EYA2: variants seen among roughly 807,000 people sequenced by gnomAD.
EYA2 encodes the protein protein phosphatase EYA2.
EYA2 carries 31 observed loss-of-function variants against 69.2 expected under a neutral mutation model. The observed-to-expected ratio is 0.45, with a 90% CI of 0.34 to 0.60. The LOEUF is 0.60. Among genes scored for constraint, EYA2 ranks in the 20% least tolerant of loss-of-function variants. The probability of loss-of-function intolerance (pLI) is 0.02; values close to 1 mark genes in which losing one functional copy is unlikely to be tolerated. For missense variants in EYA2, 622 were observed against 701.2 expected (o/e 0.89, Z 1.28); for synonymous variants, 257 against 279.4 (o/e 0.92, Z 0.80).
chr20:47,080,255 G>T (rs2031662592), intron 7 of EYA2, among the ~76,000 whole-genome samples: 1 of 151,738 alleles, frequency 6.6e-6, no homozygotes, highest in African/African-American at 2.4e-5. Flanking sequence ...GGTCAAAGAA[G>T]AAATCAATGG....
intron 1 of EYA2, among the ~76,000 whole-genome samples, chr20:46,974,781 A>G (rs1293697718): frequency 6.6e-6 from 1 of 151,890 alleles, no homozygotes; most frequent in East Asian, 1.9e-4. Context: ...CATGAGACAT[A>G]TTTTATAAAG....
At chr20:47,117,938 C>T (rs988970299) in intron 9 of EYA2, among the ~76,000 whole-genome samples, 1 of 152,190 alleles carries the variant, frequency 6.6e-6, no homozygotes, top group African/African-American at 2.4e-5. Context: ...CCAATTTCTC[C>T]TGAGCTCAGC....
At position 46,990,230 on chromosome 20, in the gene EYA2, A is replaced by G. The variant is rs116572847; in HGVS notation, c.109+111A>G. 87 of 562,068 alleles carry G rather than the reference A, an allele frequency of 1.5e-4. No homozygotes were observed. The East Asian group carries it at 2.2e-3, about 14-fold the overall frequency. The allele number at this position is 562,068 out of a possible 1,614,324, so 34.8% of individuals were successfully genotyped here. A position where few individuals can be genotyped will look rare whatever the true frequency, so the allele number is the denominator to read the frequency against. On this transcript the variant is annotated intron_variant, in intron 2 of 15. Coordinates refer to ENST00000327619, the MANE Select transcript of EYA2 (RefSeq NM_005244.5). The stretch of plus-strand genomic sequence containing the variant: ...TTTCCAAAGTACTGTCCTTAGGACA[A>G]TTTCTCCCCCTGCCATTTAAATGCT...
chr20:47,007,139 CCA>C (rs1188128255), intron 4 of EYA2, among the ~76,000 whole-genome samples: 3 of 152,076 alleles, frequency 2.0e-5, no homozygotes, highest in Admixed American at 2.0e-4. Context: ...GCCATGTTGG[CCA>C]AGCAGGTCTC....
intron 1 of EYA2, among the ~76,000 whole-genome samples, chr20:46,911,462 T>C (rs1451047641): frequency 1.3e-5 from 2 of 152,228 alleles, no homozygotes; most frequent in Non-Finnish European, 2.9e-5. Flanking sequence ...TGGCTGATTT[T>C]TGATTTAGTC....
chr20:46,900,459 T>G (rs927245353), intron 1 of EYA2, among the ~76,000 whole-genome samples: 4 of 152,248 alleles, frequency 2.6e-5, no homozygotes, highest in African/African-American at 9.6e-5. Context: ...TCAACCATTA[T>G]TGTTTCTGCA....
At chr20:47,174,744 T>G (rs1438504951) in intron 12 of EYA2, among the ~76,000 whole-genome samples, 1 of 152,200 alleles carries the variant, frequency 6.6e-6, no homozygotes, top group Admixed American at 6.5e-5. Context: ...TTATCAACGG[T>G]GTTGCTTGAA....
intron 1 of EYA2, among the ~76,000 whole-genome samples, chr20:46,974,768 C>T (rs983608581): frequency 6.6e-6 from 1 of 151,810 alleles, no homozygotes; most frequent in Non-Finnish European, 1.5e-5. Flanking sequence ...TTTAATGGCT[C>T]TGCATGAGAC....
intron 9 of EYA2, among the ~76,000 whole-genome samples, chr20:47,103,070 C>CTGT (rs966637700): frequency 3.1e-4 from 47 of 152,108 alleles, no homozygotes; most frequent in Middle Eastern, 3.4e-3. Context: ...ACTCCAGGAC[C>CTGT]TGTTGTTGTT....
At chr20:47,135,115 AG>A (rs2033430008) in intron 9 of EYA2, among the ~76,000 whole-genome samples, 1 of 136,338 alleles carries the variant, frequency 7.3e-6, no homozygotes. Context: ...CGACAGAGCG[AG>A]ACTCCATATC....
In EYA2 at chr20:47,004,928, C is replaced by T. The variant is rs748744011; in HGVS notation, c.156-14C>T. ...ACTGGGCCTGGAGATTTAATCTTCC[C>T]TCTTTCCACACAGATCTTGCCCACG... On this transcript the variant is annotated splice_polypyrimidine_tract_variant and intron_variant, in intron 3 of 15. Transcript: ENST00000327619. The T allele has an allele frequency of 1.2e-6, 2 of 1,614,054 alleles. No homozygotes were observed. Among genetic ancestry groups the T allele is most frequent in the Non-Finnish European group, 1.7e-6 (2 of 1,179,984 alleles).
At chr20:47,006,492 T>C (rs567824939) in intron 4 of EYA2, among the ~76,000 whole-genome samples, 16 of 152,330 alleles carry the variant, frequency 1.1e-4, no homozygotes, top group African/African-American at 3.6e-4. Context: ...GTTTCCTCAA[T>C]TGTAAAATTA....
chr20:46,990,162 C>A, intron 2 of EYA2, 43 bp downstream of exon 2: 2 of 1,020,176 alleles, frequency 2.0e-6, no homozygotes, highest in South Asian at 2.5e-5. Flanking sequence ...GTGTGGTGGT[C>A]CTAGGTCACC....
chr20:47,165,876 A>G (rs775661446), intron 10 of EYA2, among the ~76,000 whole-genome samples: 7 of 151,630 alleles, frequency 4.6e-5, no homozygotes, highest in Non-Finnish European at 8.8e-5. Context: ...CTCCCTAAAC[A>G]TCACCATAAC....
At chr20:47,017,988 G>A (rs546018325) in intron 5 of EYA2, among the ~76,000 whole-genome samples, 48 of 152,282 alleles carry the variant, frequency 3.2e-4, no homozygotes, top group African/African-American at 1.0e-3. Flanking sequence ...CTGCTCTCAC[G>A]TCTGTGTCCC....
At chr20:47,124,361 G>C (rs907247405) in intron 9 of EYA2, among the ~76,000 whole-genome samples, 4 of 152,190 alleles carry the variant, frequency 2.6e-5, no homozygotes, top group African/African-American at 7.2e-5. Flanking sequence ...CTTATGTCAA[G>C]GGTGTGCTAT....
intron 9 of EYA2, among the ~76,000 whole-genome samples, chr20:47,131,078 A>G (rs2033330250): frequency 6.6e-6 from 1 of 152,066 alleles, no homozygotes. Context: ...TACAAGAGCG[A>G]AACTCCATCT....
At chr20:46,931,027 C>A (rs1336713430) in intron 1 of EYA2, among the ~76,000 whole-genome samples, 2 of 152,236 alleles carry the variant, frequency 1.3e-5, no homozygotes, top group African/African-American at 4.8e-5. Flanking sequence ...CGTCTCCACA[C>A]ATTGTCAGGT....
chr20:47,112,001 C>T (rs1185408433), intron 9 of EYA2, among the ~76,000 whole-genome samples: 4 of 151,846 alleles, frequency 2.6e-5, no homozygotes, highest in African/African-American at 4.8e-5. Flanking sequence ...ATTAGCCAGG[C>T]GTGGTGGTGT....
Sources: allele counts gnomAD v4.1 joint callset (sites outside exome capture counted in the v4.1 genomes callset), GRCh38; gene constraint gnomAD v4.1.1; transcripts MANE v1.5; gene names NCBI Gene and HGNC (gene_info 2026-07-23, HGNC 2026-07-21).